Variants in WWOX observed in about 807,000 individuals in gnomAD.
WWOX encodes the protein WW domain-containing oxidoreductase.
In WWOX, 69 loss-of-function variants were observed where a neutral mutation model predicts 46.2. The ratio of observed to expected loss-of-function variants is 1.49; its 90% CI spans 1.23 to 1.82. The LOEUF (loss-of-function observed/expected upper bound fraction) is 1.82. WWOX is among the 40% of genes most tolerant of loss of function. The pLI is 0.00. For synonymous variants in WWOX, 359 were observed against 202.6 expected (o/e 1.77, Z -6.56); for missense variants, 919 against 542.6 (o/e 1.69, Z -6.89).
chr16:78,952,020 C>G (rs1039820262), intron 8 of WWOX, among the ~76,000 whole-genome samples: 1 of 152,164 alleles, frequency 6.6e-6, no homozygotes, highest in Non-Finnish European at 1.5e-5. Context: ...TAAACCACAG[C>G]AATGATTTTA....
intron 5 of WWOX, among the ~76,000 whole-genome samples, chr16:78,210,051 G>C (rs999715978): frequency 4.6e-5 from 7 of 152,084 alleles, no homozygotes; most frequent in Admixed American, 3.9e-4. Context: ...AAAAAAAATT[G>C]TGGGTCCTGG....
chr16:78,900,929 C>G (rs1482779624), intron 8 of WWOX, among the ~76,000 whole-genome samples: 1 of 151,048 alleles, frequency 6.6e-6, no homozygotes, highest in Admixed American at 6.6e-5. Flanking sequence ...CTTTAATGTT[C>G]TATTCCCAAG....
chr16:79,025,548 G>T (rs553537324), intron 8 of WWOX, among the ~76,000 whole-genome samples: 1 of 152,132 alleles, frequency 6.6e-6, no homozygotes, highest in Admixed American at 6.5e-5. Context: ...AGGGCTGCTG[G>T]CACCCCCAGA....
At chr16:78,187,527 G>A (rs887657558) in intron 5 of WWOX, among the ~76,000 whole-genome samples, 7 of 152,150 alleles carry the variant, frequency 4.6e-5, no homozygotes, top group South Asian at 2.1e-4. Flanking sequence ...TGCTTGAACC[G>A]CGGAGGCAGA....
intron 8 of WWOX, among the ~76,000 whole-genome samples, chr16:79,096,478 G>A (rs899190741): frequency 6.6e-6 from 1 of 152,004 alleles, no homozygotes; most frequent in African/African-American, 2.4e-5. Flanking sequence ...GCCCCTCCTG[G>A]TTATCCCACT....
chr16:79,007,268 G>A (rs191083155), intron 8 of WWOX, among the ~76,000 whole-genome samples: 1 of 152,174 alleles, frequency 6.6e-6, no homozygotes, highest in Non-Finnish European at 1.5e-5. Context: ...GAATAACAAA[G>A]GGAGGGACTT....
chr16:78,853,231 TG>T (rs1406807970), intron 8 of WWOX, among the ~76,000 whole-genome samples: 2 of 152,206 alleles, frequency 1.3e-5, no homozygotes, highest in African/African-American at 4.8e-5. Flanking sequence ...TTTTCTTTTT[TG>T]TTTTTTCTGA....
chr16:79,025,462 G>A (rs891769830), intron 8 of WWOX, among the ~76,000 whole-genome samples: 53 of 152,288 alleles, frequency 3.5e-4, no homozygotes, highest in African/African-American at 1.1e-3. Flanking sequence ...CAGAAGTGAA[G>A]AAGGCACAGA....
intron 7 of WWOX, among the ~76,000 whole-genome samples, chr16:78,425,888 G>C (rs535704909): frequency 1.3e-5 from 2 of 151,946 alleles, no homozygotes; most frequent in African/African-American, 4.8e-5. Flanking sequence ...CTTCTTCTCC[G>C]TCTTAAGTCC....
chr16:78,449,364 CG>C (rs567361494), intron 8 of WWOX, among the ~76,000 whole-genome samples: 144 of 152,228 alleles, frequency 9.5e-4, no homozygotes, highest in Non-Finnish European at 1.2e-3. Flanking sequence ...TGAGTCTGAT[CG>C]TTGTTAAAGG....
At chr16:78,129,938 C>G (rs1406114560) in intron 4 of WWOX, 2 of 152,126 alleles carry the variant, frequency 1.3e-5, no homozygotes, top group Non-Finnish European at 1.5e-5. Context: ...ATCCCCATGT[C>G]TTGTGGGAGG....
intron 6 of WWOX, among the ~76,000 whole-genome samples, chr16:78,416,019 T>C (rs1349048033): frequency 6.6e-6 from 1 of 152,204 alleles, no homozygotes; most frequent in African/African-American, 2.4e-5. Flanking sequence ...ACCTGCATGC[T>C]GCCTTCCATT....
intron 8 of WWOX, among the ~76,000 whole-genome samples, chr16:78,648,600 C>T (rs142528736): frequency 2.0e-5 from 3 of 152,266 alleles, no homozygotes; most frequent in Admixed American, 1.3e-4. Context: ...TCCCCACTTC[C>T]AACGCAGGAC....
chr16:78,776,133 G>T (rs1400190779), intron 8 of WWOX, among the ~76,000 whole-genome samples: 1 of 152,170 alleles, frequency 6.6e-6, no homozygotes, highest in African/African-American at 2.4e-5. Context: ...GGGAGAGAAG[G>T]GAATGCATGG....
At chr16:78,365,299 A>C (rs2081509665) in intron 5 of WWOX, among the ~76,000 whole-genome samples, 1 of 152,168 alleles carries the variant, frequency 6.6e-6, no homozygotes, top group South Asian at 2.1e-4. Flanking sequence ...GAGGAAGCTA[A>C]TGCCGTGAGC....
chr16:78,955,468 G>T (rs775062047), intron 8 of WWOX, among the ~76,000 whole-genome samples: 17 of 152,138 alleles, frequency 1.1e-4, no homozygotes, highest in Admixed American at 4.6e-4. Context: ...ACTGGAGCAT[G>T]TGAGGGTGGA....
At position 78,422,696 on chromosome 16, in the gene WWOX, C is replaced by G. The variant is rs367594058; in HGVS notation, c.606-2174C>G. Among the ~76,000 whole-genome samples the G allele has an allele frequency of 2.3e-4, 8 of 35,108 alleles. No individual in the cohort carries two copies. In the East Asian group the frequency reaches 3.2e-3, roughly 14 times the overall value. 23.0% of individuals were successfully genotyped at this position (35,108 alleles called of 152,430 possible). ...ATATATATATATATACACACACACA[C>G]ACACATATATATATACACACACACA... is the stretch of plus-strand genomic sequence containing the variant. On this transcript the variant is annotated intron_variant, in intron 6 of 8. Coordinates refer to ENST00000566780, the MANE Select transcript of WWOX (RefSeq NM_016373.4).
chr16:78,720,540 T>A lies in WWOX; in HGVS notation c.1056+287788T>A, dbSNP rs537288831. On this transcript the variant is annotated intron_variant, in intron 8 of 8. Transcript: ENST00000566780. ...GGACCCAGTTACTCTCTTTCAGGAT[T>A]TTATATCATAATGTGTCTGTGAGAG... Among the ~76,000 whole-genome samples, 5 of 152,100 alleles carry A rather than the reference T, an allele frequency of 3.3e-5. No homozygotes were observed. In the East Asian group the frequency reaches 9.7e-4, roughly 29 times the overall value.
intron 8 of WWOX, among the ~76,000 whole-genome samples, chr16:78,931,422 C>T (rs575336388): frequency 6.6e-6 from 1 of 152,276 alleles, no homozygotes; most frequent in African/African-American, 2.4e-5. Context: ...AAGTCCTCAG[C>T]ACATAAAAGT....
Sources: allele counts gnomAD v4.1 joint callset (sites outside exome capture counted in the v4.1 genomes callset), GRCh38; gene constraint gnomAD v4.1.1; transcripts MANE v1.5; gene names NCBI Gene and HGNC (gene_info 2026-07-23, HGNC 2026-07-21).